TBC1D19: variants seen among roughly 807,000 people sequenced by gnomAD.
TBC1D19 encodes the protein TBC1 domain family member 19.
Under a neutral mutation model 89.0 loss-of-function variants are expected in TBC1D19, and 60 were observed. That is an observed-to-expected ratio of 0.67 (90% CI 0.55 to 0.84). The LOEUF (loss-of-function observed/expected upper bound fraction) is 0.84, where lower values mean the gene tolerates loss of function less well. TBC1D19 is among the 40% of genes least tolerant of loss of function. The probability of loss-of-function intolerance (pLI) is 0.00; values close to 1 mark genes in which losing one functional copy is unlikely to be tolerated. For missense variants in TBC1D19, 500 were observed against 610.8 expected, an observed-to-expected ratio of 0.82 and a Z score of 1.91; for synonymous variants, 189 against 199.7, an observed-to-expected ratio of 0.95 and a Z score of 0.45.
chr4:26,670,223 A>G (rs1712171655), intron 9 of TBC1D19, among the ~76,000 whole-genome samples: 2 of 150,206 alleles, frequency 1.3e-5, no homozygotes, highest in African/African-American at 4.9e-5. Context: ...ATATATTTTT[A>G]TATATAATCA....
intron 13 of TBC1D19, among the ~76,000 whole-genome samples, chr4:26,691,838 C>A (rs1714316162): frequency 6.6e-6 from 1 of 152,026 alleles, no homozygotes; most frequent in Non-Finnish European, 1.5e-5. Context: ...TACTAGTTTG[C>A]CAATAACCTC....
chr4:26,739,231 T>C (rs964110437), intron 16 of TBC1D19, among the ~76,000 whole-genome samples: 1 of 152,158 alleles, frequency 6.6e-6, no homozygotes, highest in Non-Finnish European at 1.5e-5. Flanking sequence ...GCTTAATTGC[T>C]ACAAACTGGG....
intron 8 of TBC1D19, among the ~76,000 whole-genome samples, chr4:26,665,801 G>A (rs562616532): frequency 2.6e-5 from 4 of 151,932 alleles, no homozygotes; most frequent in Non-Finnish European, 5.9e-5. Flanking sequence ...TTCAGGAAAG[G>A]TTTAAAGTTA....
intron 13 of TBC1D19, among the ~76,000 whole-genome samples, chr4:26,710,398 G>A (rs186023387): frequency 4.4e-4 from 67 of 150,994 alleles, no homozygotes; most frequent in African/African-American, 1.5e-3. Flanking sequence ...TCCATGGTGT[G>A]TATGTGCCAC....
intron 6 of TBC1D19, among the ~76,000 whole-genome samples, chr4:26,639,657 T>G (rs1208096510): frequency 6.6e-6 from 1 of 152,192 alleles, no homozygotes; most frequent in East Asian, 1.9e-4. Context: ...TAGACAGACA[T>G]GTACATAACC....
In TBC1D19 at chr4:26,717,789, C is replaced by T; in HGVS notation, c.955-144C>T. ...ATTTGGCATCCCACTGTAATGCTTA[C>T]CAAAGGTATACCGATAAAGGGCATT... On this transcript the variant is annotated intron_variant, in intron 13 of 20. Coordinates refer to ENST00000264866, the MANE Select transcript of TBC1D19 (RefSeq NM_018317.4). The T allele has an allele frequency of 5.3e-6, 3 of 561,330 alleles. 1 individual carries two copies. The South Asian group carries it at 8.9e-5, about 17-fold the overall frequency. 34.8% of individuals were successfully genotyped at this position (561,330 alleles called of 1,614,324 possible). A position where few individuals can be genotyped will look rare whatever the true frequency, so the allele number is the denominator to read the frequency against.
At chr4:26,757,180 A>T (rs1719298627), downstream of TBC1D19, among the ~76,000 whole-genome samples, 1 of 152,048 alleles carries the variant, frequency 6.6e-6, no homozygotes, top group African/African-American at 2.4e-5. Flanking sequence ...CACCTGGCTA[A>T]GTTTTTGTAT....
At chr4:26,675,292 C>T (rs1712702027) in intron 11 of TBC1D19, among the ~76,000 whole-genome samples, 1 of 152,026 alleles carries the variant, frequency 6.6e-6, no homozygotes, top group South Asian at 2.1e-4. Flanking sequence ...CCAGAAGTAT[C>T]ATCCTAATAA....
chr4:26,691,166 G>T (rs1714245184), intron 13 of TBC1D19, among the ~76,000 whole-genome samples: 1 of 152,180 alleles, frequency 6.6e-6, no homozygotes. Flanking sequence ...CTCAATATGT[G>T]ACTGAATTGC....
chr4:26,817,990 A>G, the TBC1D19 span, among the ~76,000 whole-genome samples: 45 of 144,274 alleles, frequency 3.1e-4, no homozygotes, highest in South Asian at 9.4e-3. Flanking sequence ...AAATATATAT[A>G]TATATATATA....
At chr4:26,601,037 A>G (rs1436591524) in intron 1 of TBC1D19, among the ~76,000 whole-genome samples, 1 of 152,138 alleles carries the variant, frequency 6.6e-6, no homozygotes, top group Non-Finnish European at 1.5e-5. Context: ...TGATAAGGAT[A>G]TTTCGGGGAT....
At chr4:26,664,179 G>C (rs1027840232) in intron 8 of TBC1D19, among the ~76,000 whole-genome samples, 2 of 152,128 alleles carry the variant, frequency 1.3e-5, no homozygotes, top group Non-Finnish European at 2.9e-5. Context: ...TGTGTGCTTG[G>C]GTAGAGGTTG....
chr4:26,808,025 T>G, the TBC1D19 span, among the ~76,000 whole-genome samples: 3 of 152,232 alleles, frequency 2.0e-5, no homozygotes, highest in Non-Finnish European at 4.4e-5. Context: ...CCAGGCAGTC[T>G]AGCTCCAGAG....
the TBC1D19 span, among the ~76,000 whole-genome samples, chr4:26,802,645 G>C: frequency 6.6e-6 from 1 of 152,086 alleles, no homozygotes; most frequent in Non-Finnish European, 1.5e-5. Context: ...TTAGGTGCTA[G>C]AGGAATAAAG....
At chr4:26,621,056 A>G (rs536082698) in intron 4 of TBC1D19, among the ~76,000 whole-genome samples, 32 of 152,336 alleles carry the variant, frequency 2.1e-4, no homozygotes, top group Non-Finnish European at 3.1e-4. Context: ...TGGCCTTTGA[A>G]GCCAGTGTTA....
the TBC1D19 span, among the ~76,000 whole-genome samples, chr4:26,788,769 C>A: frequency 6.6e-6 from 1 of 152,174 alleles, no homozygotes; most frequent in Non-Finnish European, 1.5e-5. Context: ...CACCCCATGA[C>A]CCTACCTACC....
chr4:26,748,749 T>C (rs1235253710), intron 19 of TBC1D19, among the ~76,000 whole-genome samples: 1 of 152,190 alleles, frequency 6.6e-6, no homozygotes, highest in Non-Finnish European at 1.5e-5. Context: ...TCTTCCCAGC[T>C]CCCAGGAAAG....
intron 18 of TBC1D19, among the ~76,000 whole-genome samples, chr4:26,742,917 AC>A (rs1239364755): frequency 6.6e-6 from 1 of 152,158 alleles, no homozygotes; most frequent in Non-Finnish European, 1.5e-5. Context: ...AACAAATACT[AC>A]CTGAGAAACA....
intron 13 of TBC1D19, among the ~76,000 whole-genome samples, chr4:26,710,641 CCCA>C (rs1716114848): frequency 1.3e-5 from 2 of 152,296 alleles, no homozygotes; most frequent in African/African-American, 4.8e-5. Context: ...AGTTTACAGT[CCCA>C]CCAACAGTGT....
Sources: gnomAD v4.1 joint callset for allele counts (sites outside exome capture counted in the v4.1 genomes callset) on GRCh38, gnomAD v4.1.1 for gene constraint, MANE v1.5 for transcripts, NCBI Gene and HGNC (gene_info 2026-07-23, HGNC 2026-07-21) for gene names.